HS3ST4: variants seen among roughly 807,000 people sequenced by gnomAD.
HS3ST4 encodes the protein heparan sulfate glucosamine 3-O-sulfotransferase 4.
Under a neutral mutation model 29.2 loss-of-function variants are expected in HS3ST4, and 17 were observed. The observed-to-expected ratio is 0.58, with a 90% CI of 0.40 to 0.87. The LOEUF (loss-of-function observed/expected upper bound fraction) is 0.87. HS3ST4 is among the 40% of genes least tolerant of loss of function. HS3ST4 has a pLI of 0.00. For missense variants in HS3ST4, 627 were observed against 634.5 expected (o/e 0.99, Z 0.13); for synonymous variants, 314 against 285.7 (o/e 1.10, Z -1.00).
intron 1 of HS3ST4, among the ~76,000 whole-genome samples, chr16:25,923,255 T>C (rs1164783001): frequency 3.3e-5 from 5 of 152,192 alleles, no homozygotes; most frequent in Non-Finnish European, 7.3e-5. Context: ...TTTTTTGAAC[T>C]GGGAGGAAAA....
chr16:25,868,140 C>G (rs1967714719), intron 1 of HS3ST4, among the ~76,000 whole-genome samples: 1 of 152,076 alleles, frequency 6.6e-6, no homozygotes, highest in Non-Finnish European at 1.5e-5. Context: ...CTTGTTTCTT[C>G]TGCTGCATCT....
intron 1 of HS3ST4, among the ~76,000 whole-genome samples, chr16:25,832,899 A>G (rs745562725): frequency 2.0e-5 from 3 of 152,248 alleles, no homozygotes; most frequent in Non-Finnish European, 2.9e-5. Flanking sequence ...GTACAGAAAA[A>G]GCAATGGCTT....
rs574687472 is a variant in HS3ST4 at position 25,879,429 on chromosome 16, A to G, written c.734+186278A>G. Among the ~76,000 whole-genome samples the G allele has an allele frequency of 7.7e-4, 117 of 152,254 alleles. 1 individual carries two copies. The highest frequency in any genetic ancestry group is 4.6e-3 in the South Asian group (22 of 4,826). On this transcript the variant is annotated intron_variant, in intron 1 of 1. Coordinates refer to ENST00000331351, the MANE Select transcript of HS3ST4 (RefSeq NM_006040.3). ...CACGTGGCAGGGGAGGTCACACATC[A>G]TGGCAGAAGGTGAAAGGCACGTCTC...
chr16:25,729,580 A>G (rs539284079), intron 1 of HS3ST4, among the ~76,000 whole-genome samples: 2 of 152,302 alleles, frequency 1.3e-5, no homozygotes, highest in East Asian at 3.9e-4. Flanking sequence ...CGAAGTACAA[A>G]TTAGTGATGC....
chr16:25,879,764 C>A (rs1967874532), intron 1 of HS3ST4, among the ~76,000 whole-genome samples: 1 of 152,114 alleles, frequency 6.6e-6, no homozygotes, highest in South Asian at 2.1e-4. Flanking sequence ...TAAACACATA[C>A]CCAAGACTGG....
At chr16:26,076,084 G>A (rs1190883037) in intron 1 of HS3ST4, among the ~76,000 whole-genome samples, 1 of 152,084 alleles carries the variant, frequency 6.6e-6, no homozygotes, top group East Asian at 1.9e-4. Context: ...TCAAATTATT[G>A]CACCTTCTTA....
At chr16:25,914,626 G>T (rs183111739) in intron 1 of HS3ST4, among the ~76,000 whole-genome samples, 2 of 150,738 alleles carry the variant, frequency 1.3e-5, no homozygotes, top group African/African-American at 2.5e-5. Flanking sequence ...TGGGGTGTGT[G>T]TGGTGTGTGT....
chr16:26,053,848 C>T (rs1265119449), intron 1 of HS3ST4, among the ~76,000 whole-genome samples: 1 of 151,940 alleles, frequency 6.6e-6, no homozygotes, highest in Non-Finnish European at 1.5e-5. Flanking sequence ...GCGGTAACAT[C>T]CACCACAAAA....
chr16:25,840,982 A>G lies in HS3ST4; in HGVS notation c.734+147831A>G, dbSNP rs986797607. Reference sequence around the variant, plus strand: ...TTAATTTATATTTGTTTGTTTATTTATTTATTTATTTATTTATTTATTTAT... The same window carrying G: ...TTAATTTATATTTGTTTGTTTATTTGTTTATTTATTTATTTATTTATTTAT... On this transcript the variant is annotated intron_variant, in intron 1 of 1. Coordinates refer to ENST00000331351, the MANE Select transcript of HS3ST4 (RefSeq NM_006040.3). Among the ~76,000 whole-genome samples, 256 of 57,716 alleles carry G rather than the reference A, an allele frequency of 4.4e-3. 1 individual carries two copies. The highest frequency in any genetic ancestry group is 7.2e-3 in the Non-Finnish European group (142 of 19,820). 37.9% of individuals were successfully genotyped at this position (57,716 alleles called of 152,430 possible).
chr16:25,831,797 A>C (rs1366510319), intron 1 of HS3ST4, among the ~76,000 whole-genome samples: 5 of 152,228 alleles, frequency 3.3e-5, no homozygotes, highest in Middle Eastern at 3.4e-3. Context: ...TTTGGTTAGG[A>C]TATGAATAAA....
intron 1 of HS3ST4, among the ~76,000 whole-genome samples, chr16:26,088,601 C>G (rs1898817257): frequency 6.6e-6 from 1 of 152,156 alleles, no homozygotes. Context: ...CACAAATCCC[C>G]CAAACATACC....
chr16:25,919,169 A>G (rs1283295455), intron 1 of HS3ST4, among the ~76,000 whole-genome samples: 1 of 152,124 alleles, frequency 6.6e-6, no homozygotes, highest in Non-Finnish European at 1.5e-5. Context: ...GGGACACTAC[A>G]GGTGCATGCC....
At chr16:25,850,213 G>T (rs1444567966) in intron 1 of HS3ST4, among the ~76,000 whole-genome samples, 1 of 151,756 alleles carries the variant, frequency 6.6e-6, no homozygotes, top group African/African-American at 2.4e-5. Flanking sequence ...TGGTTAGGCT[G>T]GTCTTGAACC....
At chr16:26,057,253 TG>T (rs1898420464) in intron 1 of HS3ST4, among the ~76,000 whole-genome samples, 1 of 152,158 alleles carries the variant, frequency 6.6e-6, no homozygotes, top group Admixed American at 6.5e-5. Flanking sequence ...TCAGGGAGGT[TG>T]GGTAACTTAT....
intron 1 of HS3ST4, among the ~76,000 whole-genome samples, chr16:25,926,356 A>T (rs966807515): frequency 1.3e-5 from 2 of 152,226 alleles, no homozygotes; most frequent in Admixed American, 6.5e-5. Context: ...TTTGCAAAAT[A>T]ATCTGGTATT....
At chr16:25,869,700 C>T (rs1409645512) in intron 1 of HS3ST4, among the ~76,000 whole-genome samples, 1 of 152,072 alleles carries the variant, frequency 6.6e-6, no homozygotes, top group African/African-American at 2.4e-5. Context: ...TCATATGATC[C>T]TCCCAGAAAC....
At chr16:25,869,476 T>C (rs1967727502) in intron 1 of HS3ST4, among the ~76,000 whole-genome samples, 1 of 152,142 alleles carries the variant, frequency 6.6e-6, no homozygotes, top group African/African-American at 2.4e-5. Context: ...TGACCTCTTT[T>C]TGATTTTTTT....
At chr16:25,728,104 C>T (rs1295930616) in intron 1 of HS3ST4, among the ~76,000 whole-genome samples, 1 of 152,150 alleles carries the variant, frequency 6.6e-6, no homozygotes, top group African/African-American at 2.4e-5. Context: ...CTGGTTCAAG[C>T]AATTCTCCTG....
intron 1 of HS3ST4, among the ~76,000 whole-genome samples, chr16:25,821,764 T>C (rs180735305): frequency 5.7e-4 from 86 of 152,062 alleles, no homozygotes; most frequent in African/African-American, 1.7e-3. Flanking sequence ...CTGTCTCTAC[T>C]AAAATACAAA....
Sources: gnomAD v4.1 joint callset for allele counts (sites outside exome capture counted in the v4.1 genomes callset) on GRCh38, gnomAD v4.1.1 for gene constraint, MANE v1.5 for transcripts, NCBI Gene and HGNC (gene_info 2026-07-23, HGNC 2026-07-21) for gene names.